QTGAL: variants seen among roughly 807,000 people sequenced by gnomAD.
QTGAL encodes the protein queuosine-tRNA galactosyltransferase.
the QTGAL span, among the ~76,000 whole-genome samples, chr17:82,971,009 G>A: frequency 7.2e-5 from 11 of 152,268 alleles, no homozygotes; most frequent in African/African-American, 2.2e-4. Context: ...TCCACAGGTC[G>A]GCGTCGTGGG....
At chr17:82,972,391 C>T in the QTGAL span, among the ~76,000 whole-genome samples, 1 of 129,748 alleles carries the variant, frequency 7.7e-6, no homozygotes, top group Non-Finnish European at 1.6e-5. Context: ...CCACACCACA[C>T]CACAGGGGCT....
chr17:83,005,161 T>TATCGTA, the QTGAL span: 1 of 1,610,934 alleles, frequency 6.2e-7, no homozygotes, highest in Non-Finnish European at 8.5e-7. This position sits in a 1 kb window ranked among gnomAD's most constrained non-coding sequence, Gnocchi z 5.6. Flanking sequence ...CCAACGTGTG[T>TATCGTA]ATCGTTCGGT....
At chr17:83,037,723 C>T in the QTGAL span, among the ~76,000 whole-genome samples, 13 of 152,222 alleles carry the variant, frequency 8.5e-5, no homozygotes, top group South Asian at 2.1e-4. The surrounding 1 kb of genome is among the most constrained non-coding windows in gnomAD (Gnocchi z 5.2). Context: ...GCTCACAATG[C>T]GGCTTGTTAG....
At chr17:83,028,949 C>T in the QTGAL span, among the ~76,000 whole-genome samples, 12 of 152,338 alleles carry the variant, frequency 7.9e-5, 1 homozygote, top group South Asian at 2.5e-3. Context: ...TAACGCATGA[C>T]CATCCGGCTG....
chr17:83,035,191 T>C, the QTGAL span: 1 of 1,175,556 alleles, frequency 8.5e-7, no homozygotes, highest in Non-Finnish European at 1.2e-6. Context: ...TCTTTTTTTT[T>C]TTTTCGAGAT....
At chr17:82,966,885 T>C in the QTGAL span, among the ~76,000 whole-genome samples, 1 of 152,194 alleles carries the variant, frequency 6.6e-6, no homozygotes, top group Non-Finnish European at 1.5e-5. Flanking sequence ...AACGAAAAGA[T>C]AATCCAGGCT....
At chr17:83,033,782 C>G in the QTGAL span, among the ~76,000 whole-genome samples, 1 of 151,536 alleles carries the variant, frequency 6.6e-6, no homozygotes, top group Admixed American at 6.6e-5. Flanking sequence ...AAGTTATCTA[C>G]ATTTTTAAAA....
the QTGAL span, among the ~76,000 whole-genome samples, chr17:83,012,628 C>T: frequency 1.3e-5 from 2 of 152,168 alleles, no homozygotes; most frequent in South Asian, 2.1e-4. Flanking sequence ...CAAAGGGAGC[C>T]GTTGGGCAGC....
the QTGAL span, among the ~76,000 whole-genome samples, chr17:83,051,236 C>A: frequency 1.2e-5 from 1 of 80,678 alleles, no homozygotes; most frequent in Non-Finnish European, 2.4e-5. Flanking sequence ...TGCGCAGGTG[C>A]GCGGACCAGG....
the QTGAL span, among the ~76,000 whole-genome samples, chr17:83,046,232 C>A: frequency 1.3e-5 from 2 of 152,102 alleles, no homozygotes; most frequent in African/African-American, 2.4e-5. Context: ...CGGGTTCAAG[C>A]GATTCTCCTG....
At chr17:83,021,456 T>C in the QTGAL span, among the ~76,000 whole-genome samples, 1 of 152,150 alleles carries the variant, frequency 6.6e-6, no homozygotes, top group South Asian at 2.1e-4. Flanking sequence ...TTAAGAGATA[T>C]ATTTTATTAA....
chr17:83,028,835 A>G, the QTGAL span, among the ~76,000 whole-genome samples: 2 of 152,194 alleles, frequency 1.3e-5, no homozygotes, highest in Non-Finnish European at 2.9e-5. Context: ...TTATTCTAGT[A>G]ACCCGAACTG....
chr17:82,950,129 A>T, the QTGAL span, among the ~76,000 whole-genome samples: 1 of 152,248 alleles, frequency 6.6e-6, no homozygotes, highest in South Asian at 2.1e-4. Flanking sequence ...ATGTGCTGTG[A>T]GGCCACACTG....
the QTGAL span, among the ~76,000 whole-genome samples, chr17:82,961,921 C>T: frequency 6.6e-6 from 1 of 152,200 alleles, no homozygotes; most frequent in African/African-American, 2.4e-5. Flanking sequence ...ATCCTCAGCC[C>T]AGGGCTCTGG....
the QTGAL span, chr17:83,030,650 C>A: frequency 1.3e-5 from 2 of 152,338 alleles, no homozygotes; most frequent in Middle Eastern, 3.1e-3. Flanking sequence ...CTCGACAATG[C>A]TGTAGAGCCG....
At chr17:83,004,637 C>G in the QTGAL span, among the ~76,000 whole-genome samples, 68,670 of 110,276 alleles carry the variant, frequency 0.62, 22,610 homozygotes, top group African/African-American at 0.75. Flanking sequence ...ACCCTCCGCA[C>G]TCCGCGTGTG....
At chr17:83,016,762 G>A in the QTGAL span, among the ~76,000 whole-genome samples, 1 of 149,294 alleles carries the variant, frequency 6.7e-6, no homozygotes, top group African/African-American at 2.5e-5. Flanking sequence ...GTGGAGAAGG[G>A]AGATGGAAGG....
chr17:83,003,508 C>T, the QTGAL span, among the ~76,000 whole-genome samples: 1 of 44,572 alleles, frequency 2.2e-5, no homozygotes, highest in Non-Finnish European at 4.6e-5. Context: ...CCACTCTCTG[C>T]AGTCCGCGTG....
chr17:83,032,024 A>G, the QTGAL span, among the ~76,000 whole-genome samples: 1 of 152,226 alleles, frequency 6.6e-6, no homozygotes, highest in African/African-American at 2.4e-5. Flanking sequence ...ACAGAAGCTG[A>G]ACAACCGGGT....
Sources: allele counts gnomAD v4.1 joint callset (sites outside exome capture counted in the v4.1 genomes callset), GRCh38; gene constraint gnomAD v4.1.1; non-coding constraint Gnocchi (gnomAD v3.1); transcripts MANE v1.5; gene names NCBI Gene and HGNC (gene_info 2026-07-23, HGNC 2026-07-21).